The following GALNT13 variants were observed in gnomAD, a reference collection of about 807,000 sequenced individuals.
GALNT13 encodes the protein UDP-GalNAc:polypeptide N-acetylgalactosaminyltransferase 13.
A neutral mutation model predicts 64.2 loss-of-function variants in GALNT13; 28 were observed. The observed-to-expected ratio is 0.44, with a 90% CI of 0.32 to 0.60. The LOEUF (loss-of-function observed/expected upper bound fraction) is 0.60. Ranked by LOEUF, GALNT13 falls within the 20% of genes least tolerant of loss-of-function variation. GALNT13 has a pLI of 0.05. For missense variants in GALNT13, 577 were observed against 669.8 expected, an observed-to-expected ratio of 0.86 and a Z score of 1.53; for synonymous variants, 214 against 224.6, an observed-to-expected ratio of 0.95 and a Z score of 0.42.
chr2:153,634,067 C>G, the GALNT13 span, among the ~76,000 whole-genome samples: 2 of 152,068 alleles, frequency 1.3e-5, no homozygotes, highest in South Asian at 2.1e-4. Flanking sequence ...AGAAGAATTT[C>G]CATAACTTTG....
intron 9 of GALNT13, among the ~76,000 whole-genome samples, chr2:154,395,394 ATTTG>A (rs1435167248): frequency 7.9e-5 from 12 of 152,210 alleles, no homozygotes; most frequent in East Asian, 3.9e-4. Flanking sequence ...ATTTCTGTTC[ATTTG>A]TTTGTTAGTT....
chr2:154,273,159 A>C (rs951673283), intron 8 of GALNT13, among the ~76,000 whole-genome samples: 1 of 152,168 alleles, frequency 6.6e-6, no homozygotes, highest in African/African-American at 2.4e-5. Flanking sequence ...AGTGCCTAGA[A>C]GAAAATAAAA....
intron 4 of GALNT13, among the ~76,000 whole-genome samples, chr2:154,219,283 T>C (rs555429101): frequency 6.6e-6 from 1 of 152,102 alleles, no homozygotes. Context: ...GTAGGTGTTA[T>C]TAGTGATTAC....
At chr2:154,352,374 G>A (rs1399514369) in intron 9 of GALNT13, among the ~76,000 whole-genome samples, 1 of 152,110 alleles carries the variant, frequency 6.6e-6, no homozygotes, top group Non-Finnish European at 1.5e-5. Flanking sequence ...TGAGTCTCAG[G>A]TAGATAAAAC....
At chr2:153,128,740 G>A in the GALNT13 span, among the ~76,000 whole-genome samples, 4,023 of 152,170 alleles carry the variant, frequency 0.026, 58 homozygotes, top group South Asian at 0.043. Flanking sequence ...TTTACAAAAG[G>A]AAGAGGTTTA....
chr2:153,307,520 TTAAAA>T, the GALNT13 span, among the ~76,000 whole-genome samples: 1 of 152,084 alleles, frequency 6.6e-6, no homozygotes, highest in African/African-American at 2.4e-5. Context: ...ATTTTACACT[TTAAAA>T]TAAGATTCTA....
chr2:154,022,797 A>G (rs569254456), intron 3 of GALNT13, among the ~76,000 whole-genome samples: 3 of 151,246 alleles, frequency 2.0e-5, no homozygotes, highest in African/African-American at 4.8e-5. Context: ...TAGGGTGTCA[A>G]TTTGGGATCT....
At chr2:153,349,198 G>A in the GALNT13 span, among the ~76,000 whole-genome samples, 49 of 151,972 alleles carry the variant, frequency 3.2e-4, no homozygotes, top group African/African-American at 1.2e-3. Context: ...TTCAGAGCAA[G>A]TGTGAAAAAA....
intron 11 of GALNT13, among the ~76,000 whole-genome samples, chr2:154,414,397 A>G (rs1699916220): frequency 6.6e-6 from 1 of 152,062 alleles, no homozygotes; most frequent in Non-Finnish European, 1.5e-5. Flanking sequence ...TGGTAAAGCC[A>G]GTGTGAACCT....
the GALNT13 span, among the ~76,000 whole-genome samples, chr2:153,251,617 C>T: frequency 9.1e-6 from 1 of 109,336 alleles, no homozygotes; most frequent in Non-Finnish European, 1.8e-5. Flanking sequence ...CCATCCCTCC[C>T]CCCTCCCCCC....
chr2:154,404,457 T>TCATGACCCAG lies in GALNT13; in HGVS notation c.1297-4526_1297-4517dup, dbSNP rs150132938. Among the ~76,000 whole-genome samples, 720 of 152,278 alleles carry TCATGACCCAG rather than the reference T, an allele frequency of 4.7e-3. 8 individuals are homozygous for TCATGACCCAG. The highest frequency in any genetic ancestry group is 0.043 in the South Asian group (205 of 4,820). On this transcript the variant is annotated intron_variant, in intron 10 of 12. Transcript: ENST00000392825. ...GATTCTCAAATATGAGCTGACATTG[T>TCATGACCCAG]CATGACCCAGATGATACTACAATTT...
chr2:153,596,123 G>A, the GALNT13 span, among the ~76,000 whole-genome samples: 1 of 152,152 alleles, frequency 6.6e-6, no homozygotes, highest in East Asian at 1.9e-4. Context: ...GCCTAGCTGT[G>A]GCTAACAGCC....
chr2:153,835,550 G>T, the GALNT13 span, among the ~76,000 whole-genome samples: 1 of 151,910 alleles, frequency 6.6e-6, no homozygotes, highest in Non-Finnish European at 1.5e-5. Context: ...TAATGTTATA[G>T]TTTCTGGGAA....
At chr2:154,345,317 A>T (rs189150956) in intron 9 of GALNT13, among the ~76,000 whole-genome samples, 8 of 152,150 alleles carry the variant, frequency 5.3e-5, no homozygotes, top group African/African-American at 1.9e-4. Flanking sequence ...AAAGGATTCA[A>T]GCTCACCAAA....
At chr2:154,269,003 G>A (rs7565255) in intron 8 of GALNT13, among the ~76,000 whole-genome samples, 143,592 of 152,090 alleles carry the variant, frequency 0.94, 68,349 homozygotes, top group East Asian at 1. Flanking sequence ...AAACAATAGT[G>A]TATTTACCTG....
At chr2:154,259,796 A>G (rs994343236) in intron 8 of GALNT13, among the ~76,000 whole-genome samples, 1 of 152,202 alleles carries the variant, frequency 6.6e-6, no homozygotes, top group Non-Finnish European at 1.5e-5. Flanking sequence ...ATTGATAAGC[A>G]CTAACATAGT....
chr2:154,318,015 C>A lies in GALNT13; in HGVS notation c.1156+16426C>A, dbSNP rs566422012. On this transcript the variant is annotated intron_variant, in intron 9 of 12. Coordinates refer to ENST00000392825, the MANE Select transcript of GALNT13 (RefSeq NM_052917.4). ...ATAACTGCTCTACCTCAATAAATTT[C>A]TTGATACACAAGACAAATGCCTTTC... is the stretch of plus-strand genomic sequence containing the variant. Among the ~76,000 whole-genome samples the A allele has an allele frequency of 2.0e-5, 3 of 151,882 alleles. No homozygotes were observed. In the East Asian group the frequency reaches 5.8e-4, roughly 29 times the overall value.
the GALNT13 span, among the ~76,000 whole-genome samples, chr2:153,773,326 C>A: frequency 2.6e-5 from 4 of 152,218 alleles, no homozygotes; most frequent in Non-Finnish European, 5.9e-5. Context: ...TGTAACAGAA[C>A]TAGTTCTGGC....
At chr2:154,355,011 G>A (rs945670659) in intron 9 of GALNT13, among the ~76,000 whole-genome samples, 2 of 151,986 alleles carry the variant, frequency 1.3e-5, no homozygotes, top group South Asian at 2.1e-4. Context: ...GATTCAGTTG[G>A]AATTGAATCA....
Sources: gnomAD v4.1 joint callset for allele counts (sites outside exome capture counted in the v4.1 genomes callset) on GRCh38, gnomAD v4.1.1 for gene constraint, MANE v1.5 for transcripts, NCBI Gene and HGNC (gene_info 2026-07-23, HGNC 2026-07-21) for gene names.